The following CHD5 variants were observed in gnomAD, a reference collection of about 807,000 sequenced individuals.
CHD5 encodes chromodomain helicase DNA binding protein 5.
Under a neutral mutation model 230.3 loss-of-function variants are expected in CHD5, and 69 were observed. That is an observed-to-expected ratio of 0.30 (90% CI 0.25 to 0.37). The LOEUF (loss-of-function observed/expected upper bound fraction) is 0.37. CHD5 is among the 10% of genes least tolerant of loss of function. CHD5 has a pLI of 1.00. For synonymous variants in CHD5, 1,064 were observed against 1,065.9 expected, an observed-to-expected ratio of 1.00 and a Z score of 0.03; for missense variants, 1,827 against 2,622.8, an observed-to-expected ratio of 0.70 and a Z score of 6.63.
intron 30 of CHD5, 83 bp from the exon 31 acceptor site, chr1:6,124,190 G>C: frequency 1.5e-6 from 2 of 1,325,038 alleles, no homozygotes; most frequent in Admixed American, 4.7e-5. Context: ...GGGCAGCCAG[G>C]GGGGCTGAAA....
In CHD5 at chr1:6,121,425, T is replaced by C; in HGVS notation, c.4779+69A>G. The C allele has an allele frequency of 6.6e-7, 1 of 1,509,854 alleles. No homozygotes were observed. The highest frequency in any genetic ancestry group is 2.3e-5 in the East Asian group (1 of 43,090). The allele number at this position is 1,509,854 out of a possible 1,614,324, so 93.5% of individuals were successfully genotyped here. ...GGGTTCCACCTCGCTGTACAGGGCCTGAGAAGGTCCCCAGACCCAACCTCC... is the reference window on the plus strand; with the variant it reads ...GGGTTCCACCTCGCTGTACAGGGCCCGAGAAGGTCCCCAGACCCAACCTCC... On this transcript the variant is annotated intron_variant, in intron 32 of 41. Coordinates refer to ENST00000262450, the MANE Select transcript of CHD5 (RefSeq NM_015557.3). This position sits in a 1 kb window ranked among gnomAD's most constrained non-coding sequence, Gnocchi z 4.5.
At chr1:6,157,046 T>A (rs1401917293) in intron 3 of CHD5, among the ~76,000 whole-genome samples, 1 of 152,224 alleles carries the variant, frequency 6.6e-6, no homozygotes, top group African/African-American at 2.4e-5. Context: ...TTAGTGCAGG[T>A]GCTTGGAACA....
At chr1:6,138,874 C>T (rs1666784725) in intron 15 of CHD5, among the ~76,000 whole-genome samples, 1 of 152,332 alleles carries the variant, frequency 6.6e-6, no homozygotes, top group East Asian at 1.9e-4. Context: ...AAGTGCTCAA[C>T]AACAGATGAA....
chr1:6,149,504 A>T (rs1666966959), intron 7 of CHD5, 92 bp from the exon 8 acceptor site: 1 of 1,325,574 alleles, frequency 7.5e-7, no homozygotes, highest in South Asian at 1.5e-5. Context: ...GGCACAGAGT[A>T]GATGTCTAAT....
chr1:6,161,898 C>A (rs979120573), intron 2 of CHD5, among the ~76,000 whole-genome samples: 9 of 152,192 alleles, frequency 5.9e-5, no homozygotes. Flanking sequence ...ACCCCACAAA[C>A]CTACCGAGGA....
intron 33 of CHD5, among the ~76,000 whole-genome samples, chr1:6,118,692 T>C (rs962098487): frequency 6.8e-6 from 1 of 146,000 alleles, no homozygotes; most frequent in Non-Finnish European, 1.5e-5. Context: ...ACAAATGGTA[T>C]ACTTCATTAC....
intron 3 of CHD5, among the ~76,000 whole-genome samples, chr1:6,158,386 A>C (rs1221740143): frequency 2.6e-5 from 4 of 152,202 alleles, no homozygotes; most frequent in African/African-American, 7.2e-5. Context: ...CCATAAACAA[A>C]GCTGTCCAGC....
At chr1:6,179,753 G>C (rs1667484637) in intron 1 of CHD5, among the ~76,000 whole-genome samples, 192 bp downstream of exon 1, 2 of 144,150 alleles carry the variant, frequency 1.4e-5, no homozygotes, top group Non-Finnish European at 3.1e-5. Context: ...ACGCCGGCCC[G>C]GGCGCTCACC....
intron 2 of CHD5, among the ~76,000 whole-genome samples, chr1:6,159,876 G>A (rs1667139520): frequency 1.3e-5 from 2 of 152,290 alleles, no homozygotes; most frequent in African/African-American, 4.8e-5. Context: ...GTCATCATTG[G>A]GCTTCTATGG....
chr1:6,115,155 A>G (rs1262379448), intron 33 of CHD5, among the ~76,000 whole-genome samples: 5 of 151,900 alleles, frequency 3.3e-5, no homozygotes, highest in African/African-American at 1.2e-4. Context: ...TACTAAAAAT[A>G]CAAAAAATTA....
chr1:6,131,391 C>T lies in CHD5; in HGVS notation c.3262+240G>A, dbSNP rs1184064350. On this transcript the variant is annotated intron_variant, in intron 21 of 41. Coordinates refer to ENST00000262450, the MANE Select transcript of CHD5 (RefSeq NM_015557.3). The surrounding 1 kb of genome is among the most constrained non-coding windows in gnomAD (Gnocchi z 5.0). ...CACCTGGCGTCAATATTAGAGGCCC[C>T]GTCTGCGTTTCTCATTGTCTAACTC... 2.0e-5 allele frequency among the ~76,000 whole-genome samples: 3 copies of T among 152,202 alleles called. No individual in the cohort carries two copies. Among genetic ancestry groups the T allele is most frequent in the African/African-American group, 7.2e-5 (3 of 41,446 alleles).
intron 5 of CHD5, among the ~76,000 whole-genome samples, chr1:6,153,060 C>T (rs1399147072): frequency 3.3e-5 from 5 of 152,202 alleles, no homozygotes; most frequent in Admixed American, 2.6e-4. Flanking sequence ...GAGCTGGCCA[C>T]AGGGCAATTA....
intron 15 of CHD5, among the ~76,000 whole-genome samples, chr1:6,137,170 G>A (rs908877903): frequency 3.5e-4 from 53 of 152,158 alleles, no homozygotes; most frequent in African/African-American, 9.6e-4. Flanking sequence ...ACAGTGGCAC[G>A]ATCACCACTC....
At chr1:6,174,678 G>GGATGGAT (rs1372749451) in intron 1 of CHD5, among the ~76,000 whole-genome samples, 11 of 152,142 alleles carry the variant, frequency 7.2e-5, no homozygotes, top group African/African-American at 2.4e-4. Flanking sequence ...GTGGGTGGAA[G>GGATGGAT]GATGGATGGT....
In CHD5 at chr1:6,111,833, T is replaced by G. The variant is rs142975797; in HGVS notation, c.5191A>C (p.Lys1731Gln). ...CGCCGGTGCCAGATGTCGTAGATTT[T>G]CCCAGAGGATACAGCAGCCCGCTCC... ...NEERAAVSSG[K>Q]IYDIWHRRHD... Residue 1731 changes from lysine (K) to glutamine (Q), a missense_variant, in exon 36 of 42, where the codon AAA becomes CAA. This residue lies in a region of CHD5 where 272 missense variants were observed against 263.2 expected (regional missense o/e 1.03). Transcript: ENST00000262450. 384 of 1,613,536 alleles carry G rather than the reference T, an allele frequency of 2.4e-4. No homozygotes were observed. The highest frequency in any genetic ancestry group is 3.1e-4 in the Non-Finnish European group (367 of 1,180,020).
intron 1 of CHD5, among the ~76,000 whole-genome samples, chr1:6,170,526 TG>T (rs1335049214): frequency 3.3e-5 from 5 of 151,962 alleles, no homozygotes; most frequent in Non-Finnish European, 7.4e-5. Context: ...CAGTGGAAGG[TG>T]GGGGCTGCAC....
rs577196326 is a variant in CHD5 at position 6,131,874 on chromosome 1, C to G, written c.3145-126G>C. On this transcript the variant is annotated intron_variant, in intron 20 of 41. Transcript: ENST00000262450. This position sits in a 1 kb window ranked among gnomAD's most constrained non-coding sequence, Gnocchi z 5.0. Reference sequence around the variant, plus strand: ...GCTAGGTGGGGAGACAGCTGGGACCCAGGCAGGCCCAATGCAGGACTCTGG... The same window carrying G: ...GCTAGGTGGGGAGACAGCTGGGACCGAGGCAGGCCCAATGCAGGACTCTGG... 4.6e-6 allele frequency: 3 copies of G among 652,066 alleles called. No individual in the cohort carries two copies. The South Asian group carries it at 5.5e-5, about 12-fold the overall frequency. 40.4% of individuals were successfully genotyped at this position (652,066 alleles called of 1,614,324 possible).
Position 6,128,363 on chromosome 1 carries a change from C to T in CHD5, c.3730+136G>A. On this transcript the variant is annotated intron_variant, in intron 24 of 41. Coordinates refer to ENST00000262450, the MANE Select transcript of CHD5 (RefSeq NM_015557.3). The surrounding 1 kb of genome is among the most constrained non-coding windows in gnomAD (Gnocchi z 7.8). ...CATGGTGACCAGACAGAGGAAACTG[C>T]GCTGTAACAGCCCCACTCGCCGCCC... is the stretch of plus-strand genomic sequence containing the variant. 1.8e-6 allele frequency: 2 copies of T among 1,102,554 alleles called. No individual in the cohort carries two copies. The highest frequency in any genetic ancestry group is 2.6e-6 in the Non-Finnish European group (2 of 756,322). The allele number at this position is 1,102,554 out of a possible 1,614,324, so 68.3% of individuals were successfully genotyped here.
intron 15 of CHD5, among the ~76,000 whole-genome samples, chr1:6,137,152 C>T (rs79080128): frequency 1.6e-3 from 243 of 152,196 alleles, no homozygotes; most frequent in African/African-American, 5.5e-3. Flanking sequence ...CACCCCCCAG[C>T]GTGGAGTACA....
Sources: gnomAD v4.1 joint callset for allele counts (sites outside exome capture counted in the v4.1 genomes callset) on GRCh38, gnomAD v4.1.1 for gene constraint, gnomAD v4.1.1 regional missense constraint, Gnocchi (gnomAD v3.1) non-coding constraint, MANE v1.5 for transcripts, NCBI Gene and HGNC (gene_info 2026-07-23, HGNC 2026-07-21) for gene names.